The following RSPH14 variants were observed in gnomAD, a reference collection of about 807,000 sequenced individuals.
RSPH14 encodes the protein radial spoke head 14 homolog, also known as rhabdoid tumor deletion region gene 1.
In RSPH14, 20 loss-of-function variants were observed where a neutral mutation model predicts 26.7. The observed-to-expected ratio is 0.75, with a 90% CI of 0.53 to 1.09. The LOEUF is 1.09. Among genes scored for constraint, RSPH14 ranks in the 50% least tolerant of loss-of-function variants. RSPH14 has a pLI of 0.00. For missense variants in RSPH14, 449 were observed against 457.2 expected (o/e 0.98, Z 0.16); for synonymous variants, 177 against 189.3 (o/e 0.93, Z 0.53).
the RSPH14 span, among the ~76,000 whole-genome samples, chr22:23,178,905 G>C: frequency 6.6e-6 from 1 of 152,316 alleles, no homozygotes; most frequent in South Asian, 2.1e-4. Flanking sequence ...GGGAAGCCTG[G>C]AAATCTGAGA....
At chr22:23,179,989 G>T in the RSPH14 span, 2 of 332,412 alleles carry the variant, frequency 6.0e-6, no homozygotes, top group Non-Finnish European at 5.6e-6. Flanking sequence ...GCCCACGATG[G>T]TGGCCTCTGA....
intron 5 of RSPH14, among the ~76,000 whole-genome samples, 181 bp from the exon 6 acceptor site, chr22:23,062,126 T>C (rs2068109981): frequency 6.6e-6 from 1 of 152,106 alleles, no homozygotes; most frequent in African/African-American, 2.4e-5. Flanking sequence ...CAGAGGAGCA[T>C]TGGTGTGAAC....
At chr22:23,161,899 T>G in the RSPH14 span, 1 of 327,834 alleles carries the variant, frequency 3.1e-6, no homozygotes, top group East Asian at 7.7e-5. Flanking sequence ...AACTGCAAAC[T>G]CCTGCGTCGG....
chr22:23,100,728 G>C (rs913890143), intron 4 of RSPH14, among the ~76,000 whole-genome samples: 2 of 152,216 alleles, frequency 1.3e-5, no homozygotes, highest in Non-Finnish European at 2.9e-5. Flanking sequence ...TTTGTGGAGC[G>C]GGCGGGAGGC....
chr22:23,156,701 T>G, the RSPH14 span, among the ~76,000 whole-genome samples: 1 of 152,264 alleles, frequency 6.6e-6, no homozygotes, highest in Non-Finnish European at 1.5e-5. Flanking sequence ...CAACATTTTC[T>G]TTTAGACTTA....
intron 4 of RSPH14, among the ~76,000 whole-genome samples, chr22:23,078,420 G>A (rs1011214206): frequency 8.5e-5 from 13 of 152,220 alleles, no homozygotes; most frequent in African/African-American, 3.1e-4. Flanking sequence ...AGGCACTGGT[G>A]GGGCTGCCCT....
the RSPH14 span, among the ~76,000 whole-genome samples, chr22:23,157,795 G>A: frequency 6.6e-6 from 1 of 152,178 alleles, no homozygotes; most frequent in African/African-American, 2.4e-5. Flanking sequence ...TGGGCTGCCG[G>A]GTGCAGGCTG....
chr22:23,148,146 C>T (rs1332162762), upstream of RSPH14, among the ~76,000 whole-genome samples: 1 of 152,150 alleles, frequency 6.6e-6, no homozygotes, highest in East Asian at 1.9e-4. Flanking sequence ...GAGTATGTGG[C>T]TCTTCCTCCT....
Position 23,076,602 on chromosome 22 carries a change from A to G in RSPH14, c.422-12469T>C, listed in dbSNP as rs531243626. Reference sequence around the variant, plus strand: ...CAACTGTGGGTTACTCTCAAGCCAGAGGCAGGTGGACAGATGCCTCGGGCT... The same window carrying G: ...CAACTGTGGGTTACTCTCAAGCCAGGGGCAGGTGGACAGATGCCTCGGGCT... On this transcript the variant is annotated intron_variant, in intron 4 of 6. Transcript: ENST00000216036. Among the ~76,000 whole-genome samples the G allele has an allele frequency of 1.2e-4, 19 of 152,356 alleles. No homozygotes were observed. The East Asian group carries it at 2.7e-3, about 22-fold the overall frequency.
chr22:23,168,020 AT>A, the RSPH14 span, among the ~76,000 whole-genome samples: 8 of 150,050 alleles, frequency 5.3e-5, no homozygotes, highest in Admixed American at 2.7e-4. Context: ...CTAATTTTTA[AT>A]TTTTTTTTTA....
At chr22:23,145,251 A>AC, upstream of RSPH14, 1 of 185,056 alleles carries the variant, frequency 5.4e-6, no homozygotes, top group East Asian at 1.2e-4. Flanking sequence ...AGCCCCGCCC[A>AC]CCGCCCACCC....
intron 1 of RSPH14, among the ~76,000 whole-genome samples, chr22:23,141,423 C>A (rs368862764): frequency 1.5e-4 from 22 of 151,440 alleles, no homozygotes; most frequent in African/African-American, 5.1e-4. Flanking sequence ...TAGTTAAGAA[C>A]TGGCTCCAGA....
At chr22:23,085,411 G>C (rs1213621542) in intron 4 of RSPH14, among the ~76,000 whole-genome samples, 1 of 152,196 alleles carries the variant, frequency 6.6e-6, no homozygotes. Flanking sequence ...GGAGAGCAAA[G>C]TATTGATCAT....
At chr22:23,159,833 C>T in the RSPH14 span, among the ~76,000 whole-genome samples, 1 of 152,248 alleles carries the variant, frequency 6.6e-6, no homozygotes, top group Non-Finnish European at 1.5e-5. Flanking sequence ...CCTGGCCATA[C>T]TGGGTCCCCA....
chr22:23,075,854 C>T (rs1179770915), intron 4 of RSPH14, among the ~76,000 whole-genome samples: 1 of 152,126 alleles, frequency 6.6e-6, no homozygotes, highest in Non-Finnish European at 1.5e-5. Context: ...GAGGTCTGCC[C>T]CTGTGAGTCA....
intron 4 of RSPH14, among the ~76,000 whole-genome samples, chr22:23,118,019 A>G (rs768919443): frequency 6.6e-6 from 1 of 152,156 alleles, no homozygotes; most frequent in Non-Finnish European, 1.5e-5. Flanking sequence ...AATACCCCAG[A>G]CCCGCAGGCC....
rs550936961 is a variant in RSPH14, at chr22:23,136,893, G to A, written c.302+1947C>T. ...GGGTCATCTAAGATCTGCAGAGTGA[G>A]GCTGGGATTAGGATTGTTGCCCAGA... is the stretch of plus-strand genomic sequence containing the variant. On this transcript the variant is annotated intron_variant, in intron 3 of 6. Transcript: ENST00000216036. 1.7e-4 allele frequency among the ~76,000 whole-genome samples: 23 copies of A among 138,666 alleles called. 4 individuals are homozygous for A. In the South Asian group the frequency reaches 2.3e-3, roughly 14 times the overall value. The allele number at this position is 138,666 out of a possible 152,430, so 91.0% of individuals were successfully genotyped here.
chr22:23,150,177 G>T, the RSPH14 span: 4 of 1,578,392 alleles, frequency 2.5e-6, no homozygotes, highest in Non-Finnish European at 2.6e-6. Context: ...GGTGTGGGAT[G>T]GGGGAGCAGG....
At chr22:23,179,944 G>A in the RSPH14 span, 3 of 285,682 alleles carry the variant, frequency 1.1e-5, no homozygotes, top group Non-Finnish European at 1.3e-5. Flanking sequence ...GGTGCCCTCC[G>A]CATCGTTGGG....
Sources: gnomAD v4.1 joint callset for allele counts (sites outside exome capture counted in the v4.1 genomes callset) on GRCh38, gnomAD v4.1.1 for gene constraint, MANE v1.5 for transcripts, NCBI Gene and HGNC (gene_info 2026-07-23, HGNC 2026-07-21) for gene names.